EPHA8: variants seen among roughly 807,000 people sequenced by gnomAD.
The protein encoded by EPHA8 is ephrin type-A receptor 8.
In EPHA8, 58 loss-of-function variants were observed where a neutral mutation model predicts 103.6. That is an observed-to-expected ratio of 0.56 (90% CI 0.45 to 0.70). The LOEUF is 0.70. Among genes scored for constraint, EPHA8 ranks in the 30% least tolerant of loss-of-function variants. The pLI is 0.00. For missense variants in EPHA8, 1,304 were observed against 1,395.2 expected (o/e 0.93, Z 1.04); for synonymous variants, 559 against 572.5 (o/e 0.98, Z 0.34).
rs1355421465 is a variant in EPHA8 at position 22,602,130 on chromosome 1, C to G, written c.*389C>G. 3.3e-6 allele frequency: 1 copy of G among 302,968 alleles called. No individual in the cohort carries two copies. Among genetic ancestry groups the G allele is most frequent in the African/African-American group, 2.3e-5 (1 of 44,022 alleles). 18.8% of individuals were successfully genotyped at this position (302,968 alleles called of 1,614,324 possible). A position where few individuals can be genotyped will look rare whatever the true frequency, so the allele number is the denominator to read the frequency against. ...CAGTGTGTGATCAAGTGTGTCCACC[C>G]CTTCGGGTCTCAGCATGGACGTGTG... is the stretch of plus-strand genomic sequence containing the variant. On this transcript the variant is annotated 3_prime_UTR_variant, in exon 17 of 17. Transcript: ENST00000166244.
intron 4 of EPHA8, 119 bp downstream of exon 4, chr1:22,586,754 CTCTT>C: frequency 2.3e-6 from 3 of 1,323,392 alleles, no homozygotes; most frequent in Non-Finnish European, 3.1e-6. Context: ...GCGGGTGGCT[CTCTT>C]GAGCCAGAGG....
chr1:22,563,532 C>G lies in EPHA8; in HGVS notation c.-104C>G, dbSNP rs1249364890. ...GTGTGCGCCGGGGTGTGCGCCCGGCCGGGTGTGCGGAGAGCGAGGGAGCGC... is the reference window on the plus strand; with the variant it reads ...GTGTGCGCCGGGGTGTGCGCCCGGCGGGGTGTGCGGAGAGCGAGGGAGCGC... On this transcript the variant is annotated 5_prime_UTR_variant, in exon 1 of 17. Coordinates refer to ENST00000166244, the MANE Select transcript of EPHA8 (RefSeq NM_020526.5). This position sits in a 1 kb window ranked among gnomAD's most constrained non-coding sequence, Gnocchi z 4.4. 2.7e-5 allele frequency: 4 copies of G among 145,716 alleles called. No individual in the cohort carries two copies. Among genetic ancestry groups the G allele is most frequent in the Admixed American group, 6.8e-5 (1 of 14,654 alleles). The allele number at this position is 145,716 out of a possible 1,614,324, so 9.0% of individuals were successfully genotyped here. A position where few individuals can be genotyped will look rare whatever the true frequency, so the allele number is the denominator to read the frequency against.
intron 8 of EPHA8, among the ~76,000 whole-genome samples, chr1:22,595,719 T>C (rs945769679): frequency 3.3e-5 from 5 of 152,084 alleles, no homozygotes; most frequent in African/African-American, 9.7e-5. Flanking sequence ...ATCTAACTGA[T>C]GGAGAAATGG....
intron 3 of EPHA8, among the ~76,000 whole-genome samples, chr1:22,580,508 C>G (rs1020838636): frequency 5.3e-5 from 8 of 152,116 alleles, no homozygotes; most frequent in Non-Finnish European, 8.8e-5. Flanking sequence ...CTGTCCCGAG[C>G]TCTAAACCCC....
rs374206681 is a variant in EPHA8, at chr1:22,598,822, C to T, written c.2179-16C>T. ...TCGCCGGGCTTTCCTGAAGTCCAAG[C>T]CATGTCCCCCTGCAGACCCACGACG... On this transcript the variant is annotated splice_polypyrimidine_tract_variant and intron_variant, in intron 12 of 16. Transcript: ENST00000166244. This position sits in a 1 kb window ranked among gnomAD's most constrained non-coding sequence, Gnocchi z 5.1. 7.2e-5 allele frequency: 116 copies of T among 1,610,096 alleles called. No homozygotes were observed. Among genetic ancestry groups the T allele is most frequent in the Admixed American group, 8.3e-5 (5 of 59,952 alleles).
In EPHA8 at chr1:22,589,225, T is replaced by G; in HGVS notation, c.1315+19T>G. 4 of 1,613,964 alleles carry G rather than the reference T, an allele frequency of 2.5e-6. No homozygotes were observed. Among genetic ancestry groups the G allele is most frequent in the Non-Finnish European group, 3.4e-6 (4 of 1,180,022 alleles). On this transcript the variant is annotated intron_variant, in intron 5 of 16. Coordinates refer to ENST00000166244, the MANE Select transcript of EPHA8 (RefSeq NM_020526.5). The surrounding 1 kb of genome is among the most constrained non-coding windows in gnomAD (Gnocchi z 4.3). ...CAGGCAGGTAGGCGGAGAAACTCCG[T>G]CCCGCAGCGTCCTGGTCCCCCAGCT...
At position 22,597,521 on chromosome 1, in the gene EPHA8, TG is replaced by T. The variant is rs751234036; in HGVS notation, c.1930+50del. On this transcript the variant is annotated intron_variant, in intron 10 of 16. Coordinates refer to ENST00000166244, the MANE Select transcript of EPHA8 (RefSeq NM_020526.5). The surrounding 1 kb of genome is among the most constrained non-coding windows in gnomAD (Gnocchi z 4.6). ...AGGGCGGGGCCAGCATGGGGCAAGG[TG>T]GGGGCACCCAGGGCAAGGTGGGGGC... 1.3e-6 allele frequency: 2 copies of T among 1,590,666 alleles called. No homozygotes were observed. The highest frequency in any genetic ancestry group is 1.7e-6 in the Non-Finnish European group (2 of 1,167,140).
At position 22,598,362 on chromosome 1, in the gene EPHA8, G is replaced by T; in HGVS notation, c.2178+150G>T. On this transcript the variant is annotated intron_variant, in intron 12 of 16. Transcript: ENST00000166244. The surrounding 1 kb of genome is among the most constrained non-coding windows in gnomAD (Gnocchi z 5.1). ...AGGCAGGTATAGGGAGGAGGTCTTCGAGTTCAGCCAGTCGAACTGCCTTTC... is the reference window on the plus strand; with the variant it reads ...AGGCAGGTATAGGGAGGAGGTCTTCTAGTTCAGCCAGTCGAACTGCCTTTC... 2.7e-6 allele frequency: 2 copies of T among 731,332 alleles called. No homozygotes were observed. The highest frequency in any genetic ancestry group is 4.4e-6 in the Non-Finnish European group (2 of 450,680). The allele number at this position is 731,332 out of a possible 1,614,324, so 45.3% of individuals were successfully genotyped here. A position where few individuals can be genotyped will look rare whatever the true frequency, so the allele number is the denominator to read the frequency against.
At chr1:22,581,968 G>C (rs896631864) in intron 3 of EPHA8, among the ~76,000 whole-genome samples, 1 of 152,202 alleles carries the variant, frequency 6.6e-6, no homozygotes, top group African/African-American at 2.4e-5. Context: ...ACAAATGGGA[G>C]CCAGGTCCAA....
rs139282580 is a variant in EPHA8, at chr1:22,569,308, G to A, written c.114G>A (p.Ser38=). The change falls in exon 2 of 17, where the codon TCG becomes TCA. Residue 38 remains serine (S), a synonymous_variant. Coordinates refer to ENST00000166244, the MANE Select transcript of EPHA8 (RefSeq NM_020526.5). The surrounding 1 kb of genome is among the most constrained non-coding windows in gnomAD (Gnocchi z 4.5). ...TTACAGTGAATTTGCTGGACACGTC[G>A]ACCATCCACGGGGACTGGGGCTGGC... The part of the protein sequence containing the change: ...ARGEVNLLDT[S]TIHGDWGWLT... 26 of 1,611,598 alleles carry A rather than the reference G, an allele frequency of 1.6e-5. No individual in the cohort carries two copies. In the African/African-American group the frequency reaches 2.3e-4, roughly 14 times the overall value.
At chr1:22,585,052 C>CGCGCGCGT (rs147149954) in intron 3 of EPHA8, among the ~76,000 whole-genome samples, 5,348 of 144,444 alleles carry the variant, frequency 0.037, 288 homozygotes, top group African/African-American at 0.12. Flanking sequence ...TGTGTGTGTG[C>CGCGCGCGT]GCACGCGTGT....
intron 8 of EPHA8, 149 bp downstream of exon 8, chr1:22,595,472 A>C: frequency 1.6e-6 from 1 of 607,258 alleles, no homozygotes; most frequent in Non-Finnish European, 2.9e-6. Flanking sequence ...GTGACATGCC[A>C]GTGATGTAGA....
intron 13 of EPHA8, among the ~76,000 whole-genome samples, chr1:22,599,271 C>A (rs11808747): frequency 0.027 from 4,106 of 152,244 alleles, 182 homozygotes; most frequent in African/African-American, 0.091. Flanking sequence ...CCAGGGGAGA[C>A]CCCAGGGCTG....
Position 22,576,780 on chromosome 1 carries a change from C to G in EPHA8, c.723C>G (p.Asp241Glu). The change falls in exon 3 of 17, where the codon GAC becomes GAG. Residue 241 changes from aspartate (D) to glutamate (E), a missense_variant. Coordinates refer to ENST00000166244, the MANE Select transcript of EPHA8 (RefSeq NM_020526.5). The surrounding 1 kb of genome is among the most constrained non-coding windows in gnomAD (Gnocchi z 4.8). Reference sequence around the variant, plus strand: ...GCGTGCGGCACTCAGAGGAGCGGGACACACCCAAGATGTACTGCAGCGCGG... The same window carrying G: ...GCGTGCGGCACTCAGAGGAGCGGGAGACACCCAAGATGTACTGCAGCGCGG... Reference protein sequence around the residue: ...GQCVRHSEERDTPKMYCSAEG... With the variant: ...GQCVRHSEERETPKMYCSAEG... 1.2e-6 allele frequency: 2 copies of G among 1,613,770 alleles called. No homozygotes were observed. Among genetic ancestry groups the G allele is most frequent in the Non-Finnish European group, 1.7e-6 (2 of 1,180,028 alleles).
chr1:22,565,275 G>T (rs1640325746), intron 1 of EPHA8, among the ~76,000 whole-genome samples: 1 of 152,214 alleles, frequency 6.6e-6, no homozygotes, highest in South Asian at 2.1e-4. Flanking sequence ...AGTCTCCCAT[G>T]AGCCCAGGGC....
rs187814118 is a variant in EPHA8, at chr1:22,576,595, G to A, written c.538G>A (p.Gly180Ser). The change falls in exon 3 of 17, where the codon GGC becomes AGC. Residue 180 changes from glycine to serine, a missense_variant. Gly to Ser is a moderately conservative substitution (Grantham distance 56). Coordinates refer to ENST00000166244, the MANE Select transcript of EPHA8 (RefSeq NM_020526.5). This position sits in a 1 kb window ranked among gnomAD's most constrained non-coding sequence, Gnocchi z 4.8. ...CAGTGTGGGTCCCCTCAGCAAGCGC[G>A]GCTTCTACCTGGCCTTCCAGGACAT... is the stretch of plus-strand genomic sequence containing the variant. ...VRSVGPLSKR[G>S]FYLAFQDIGA... 1.2e-6 allele frequency: 2 copies of A among 1,614,048 alleles called. No homozygotes were observed. Among genetic ancestry groups the A allele is most frequent in the Non-Finnish European group, 1.7e-6 (2 of 1,180,038 alleles).
chr1:22,599,589 GGAGGGAGTGGAGA>G (rs1218427725), intron 13 of EPHA8, among the ~76,000 whole-genome samples: 1 of 146,670 alleles, frequency 6.8e-6, no homozygotes, highest in Admixed American at 6.9e-5. Flanking sequence ...AGGAAAGGAA[GGAGGGAGTGGAGA>G]GAGGGAGGGA....
In EPHA8 at chr1:22,593,733, G is replaced by C. The variant is rs1448168677; in HGVS notation, c.1603+47G>C. 3.4e-6 allele frequency: 5 copies of C among 1,489,852 alleles called. No individual in the cohort carries two copies. In the South Asian group the frequency reaches 6.8e-5, roughly 20 times the overall value. 92.3% of individuals were successfully genotyped at this position (1,489,852 alleles called of 1,614,324 possible). ...GGGCGCGGAGCAGCCCAGGTGCCAG[G>C]ACCCTGGGGTCGGGGGGTGGCCGAG... On this transcript the variant is annotated intron_variant, in intron 7 of 16. Coordinates refer to ENST00000166244, the MANE Select transcript of EPHA8 (RefSeq NM_020526.5).
intron 13 of EPHA8, 138 bp downstream of exon 13, chr1:22,599,185 T>G (rs1392084734): frequency 1.2e-6 from 1 of 858,094 alleles, no homozygotes; most frequent in Non-Finnish European, 1.8e-6. Context: ...GCACATCCTG[T>G]TTCTCCTCTT....
Sources: allele counts gnomAD v4.1 joint callset (sites outside exome capture counted in the v4.1 genomes callset), GRCh38; gene constraint gnomAD v4.1.1; non-coding constraint Gnocchi (gnomAD v3.1); transcripts MANE v1.5; gene names NCBI Gene and HGNC (gene_info 2026-07-23, HGNC 2026-07-21).